The following DESI2 variants were observed in gnomAD, a reference collection of about 807,000 sequenced individuals.
DESI2 encodes desumoylating isopeptidase 2, also known as deubiquitinase DESI2.
DESI2 carries 10 observed loss-of-function variants against 24.1 expected under a neutral mutation model. The observed-to-expected ratio is 0.41, with a 90% CI of 0.26 to 0.70. DESI2 has a LOEUF of 0.70. Ranked by LOEUF, DESI2 falls within the 30% of genes least tolerant of loss-of-function variation. DESI2 has a pLI of 0.29. For synonymous variants in DESI2, 71 were observed against 87.7 expected (o/e 0.81, Z 1.06); for missense variants, 122 against 234.9 (o/e 0.52, Z 3.14).
intron 2 of DESI2, among the ~76,000 whole-genome samples, chr1:244,688,381 C>CT (rs1419107948): frequency 6.6e-6 from 1 of 152,018 alleles, no homozygotes; most frequent in Non-Finnish European, 1.5e-5. Context: ...TACATCATTG[C>CT]TTTTTTTGAA....
chr1:244,680,020 C>CTTTT (rs147614472), intron 1 of DESI2, among the ~76,000 whole-genome samples: 1 of 81,804 alleles, frequency 1.2e-5, no homozygotes. Flanking sequence ...TCTTTTTAGC[C>CTTTT]TTTTTTTTTT....
intron 1 of DESI2, among the ~76,000 whole-genome samples, chr1:244,660,329 C>G (rs1291496472): frequency 6.6e-6 from 1 of 152,102 alleles, no homozygotes; most frequent in Non-Finnish European, 1.5e-5. Context: ...CCATGCCCAG[C>G]TAGTTTTTTT....
chr1:244,695,422 G>A (rs1378224973), intron 4 of DESI2, among the ~76,000 whole-genome samples: 1 of 152,250 alleles, frequency 6.6e-6, no homozygotes, highest in Non-Finnish European at 1.5e-5. Context: ...GGGAGGCCAA[G>A]GTCGGGGGAT....
intron 1 of DESI2, among the ~76,000 whole-genome samples, chr1:244,678,764 A>G (rs1676500421): frequency 6.6e-6 from 1 of 152,244 alleles, no homozygotes; most frequent in South Asian, 2.1e-4. Context: ...CTATATTTTG[A>G]AAAAGAAGCT....
At chr1:244,663,330 C>T (rs1203263507) in intron 1 of DESI2, among the ~76,000 whole-genome samples, 2 of 152,008 alleles carry the variant, frequency 1.3e-5, no homozygotes, top group Non-Finnish European at 2.9e-5. Flanking sequence ...GCGCCTGCCA[C>T]CACGCCCGGC....
At chr1:244,654,080 G>C in intron 1 of DESI2, 1 of 466,728 alleles carries the variant, frequency 2.1e-6, no homozygotes. Flanking sequence ...GTTGTTTATT[G>C]TATCATCTAA....
chr1:244,689,068 C>T lies in DESI2; in HGVS notation c.116-181C>T, dbSNP rs547763764. Among the ~76,000 whole-genome samples, 75 of 152,222 alleles carry T rather than the reference C, an allele frequency of 4.9e-4. No individual in the cohort carries two copies. The highest frequency in any genetic ancestry group is 1.8e-3 in the African/African-American group (73 of 41,532). On this transcript the variant is annotated intron_variant, in intron 2 of 4. Coordinates refer to ENST00000302550, the MANE Select transcript of DESI2 (RefSeq NM_016076.5). The surrounding 1 kb of genome is among the most constrained non-coding windows in gnomAD (Gnocchi z 4.0). ...TGAGTGTCTTCTGTTATTTGAGTTT[C>T]GGGTCTTTTGTGACAACTGTTTATA... is the stretch of plus-strand genomic sequence containing the variant.
intron 4 of DESI2, among the ~76,000 whole-genome samples, chr1:244,699,578 CAAAAAAAAAAAAAAAAAAAAAAAA>C (rs559295405): frequency 2.4e-4 from 16 of 66,194 alleles, no homozygotes; most frequent in Non-Finnish European, 3.5e-4. Context: ...GAGACTGTCT[CAAAAAAAAAAAAAAAAAAAAAAAA>C]AAAAAAAAAA....
chr1:244,700,327 C>T (rs907195087), intron 4 of DESI2, among the ~76,000 whole-genome samples: 3 of 152,116 alleles, frequency 2.0e-5, no homozygotes, highest in Non-Finnish European at 2.9e-5. Context: ...AATTTAGCAT[C>T]GTGAATATCT....
rs1345518557 is a variant in DESI2, at chr1:244,683,273, A to G, written c.43-3324A>G. ...TACAAGTACGTGTACACATGGGCCT[A>G]GGAGAAGGTTCAGGAGTCTAAGTCT... On this transcript the variant is annotated intron_variant, in intron 1 of 4. Transcript: ENST00000302550. Among the ~76,000 whole-genome samples the G allele has an allele frequency of 7.2e-5, 11 of 152,268 alleles. 1 individual carries two copies. Among genetic ancestry groups the G allele is most frequent in the Admixed American group, 5.9e-4 (9 of 15,302 alleles).
At chr1:244,672,918 A>T (rs1310261749) in intron 1 of DESI2, among the ~76,000 whole-genome samples, 2 of 152,098 alleles carry the variant, frequency 1.3e-5, no homozygotes, top group Non-Finnish European at 2.9e-5. Context: ...TTTCAGCATG[A>T]ATAACTGCCA....
At chr1:244,694,667 G>A in intron 4 of DESI2, 1 of 776,002 alleles carries the variant, frequency 1.3e-6, no homozygotes, top group East Asian at 2.4e-5. Context: ...CACAGCAGTG[G>A]CACGTGTGCG....
At chr1:244,695,468 A>G (rs1192504131) in intron 4 of DESI2, among the ~76,000 whole-genome samples, 1 of 152,188 alleles carries the variant, frequency 6.6e-6, no homozygotes, top group African/African-American at 2.4e-5. Context: ...CCTGGCCAAC[A>G]TGTTGAAACC....
intron 1 of DESI2, chr1:244,653,561 G>A (rs1675537545): frequency 9.0e-6 from 5 of 553,932 alleles, no homozygotes; most frequent in African/African-American, 2.0e-5. Context: ...GTCAGCCCGA[G>A]GGTTTTGGCC....
rs531392102 is a variant in DESI2, at chr1:244,681,376, C to G, written c.43-5221C>G. On this transcript the variant is annotated intron_variant, in intron 1 of 4. Coordinates refer to ENST00000302550, the MANE Select transcript of DESI2 (RefSeq NM_016076.5). ...ATCTCCCTCTACTACCCTGACAACT[C>G]TGGTTCCCACCATCAGTATATGTAC... Among the ~76,000 whole-genome samples the G allele has an allele frequency of 2.0e-5, 3 of 152,216 alleles. No individual in the cohort carries two copies. The East Asian group carries it at 5.8e-4, about 29-fold the overall frequency.
At chr1:244,683,814 G>C (rs191080564) in intron 1 of DESI2, among the ~76,000 whole-genome samples, 121 of 151,288 alleles carry the variant, frequency 8.0e-4, no homozygotes, top group African/African-American at 2.9e-3. Flanking sequence ...TCAAACTCCC[G>C]GGCTCAGTTC....
Position 244,665,784 on chromosome 1 carries a change from C to T in DESI2, c.42+12429C>T, listed in dbSNP as rs531008500. Among the ~76,000 whole-genome samples the T allele has an allele frequency of 3.9e-5, 6 of 152,336 alleles. 1 individual carries two copies. The South Asian group carries it at 1.2e-3, about 32-fold the overall frequency. On this transcript the variant is annotated intron_variant, in intron 1 of 4. Coordinates refer to ENST00000302550, the MANE Select transcript of DESI2 (RefSeq NM_016076.5). Reference sequence around the variant, plus strand: ...CATCACCTCTTCCCTGAATCTGCATCCTGCAGACCTACTCTGAAGATTTCA... The same window carrying T: ...CATCACCTCTTCCCTGAATCTGCATTCTGCAGACCTACTCTGAAGATTTCA...
chr1:244,665,239 T>C (rs1676002342), intron 1 of DESI2, among the ~76,000 whole-genome samples: 1 of 152,166 alleles, frequency 6.6e-6, no homozygotes, highest in Non-Finnish European at 1.5e-5. Context: ...CTTTTTAAGT[T>C]GATGAAACTG....
chr1:244,664,688 C>A (rs974953553), intron 1 of DESI2, among the ~76,000 whole-genome samples: 1 of 152,148 alleles, frequency 6.6e-6, no homozygotes, highest in Admixed American at 6.5e-5. Flanking sequence ...CAGAGCAAGA[C>A]CCTGTCTCAA....
Sources: allele counts gnomAD v4.1 joint callset (sites outside exome capture counted in the v4.1 genomes callset), GRCh38; gene constraint gnomAD v4.1.1; non-coding constraint Gnocchi (gnomAD v3.1); transcripts MANE v1.5; gene names NCBI Gene and HGNC (gene_info 2026-07-23, HGNC 2026-07-21).